COBL: variants seen among roughly 807,000 people sequenced by gnomAD.
The protein encoded by COBL is protein cordon-bleu.
Under a neutral mutation model 98.8 loss-of-function variants are expected in COBL, and 51 were observed. The observed-to-expected ratio is 0.52, with a 90% confidence interval of 0.41 to 0.65. The LOEUF is 0.65. Ranked by LOEUF, COBL falls within the 30% of genes least tolerant of loss-of-function variation. The pLI is 0.00. For synonymous variants in COBL, 634 were observed against 651.7 expected (o/e 0.97, Z 0.41); for missense variants, 1,617 against 1,617.5 (o/e 1.00, Z 0.01).
chr7:51,160,538 G>C (rs1277319976), intron 5 of COBL, among the ~76,000 whole-genome samples: 2 of 152,234 alleles, frequency 1.3e-5, no homozygotes, highest in Non-Finnish European at 2.9e-5. Context: ...ATGAGCAACA[G>C]GGCCGAGCCA....
chr7:51,061,950 T>TACACACACAC (rs3047134), intron 7 of COBL, among the ~76,000 whole-genome samples: 15 of 145,536 alleles, frequency 1.0e-4, no homozygotes, highest in African/African-American at 3.8e-4. Flanking sequence ...CCACCATAGA[T>TACACACACAC]ACACACACAC....
chr7:51,111,293 T>G (rs1000957671), intron 6 of COBL, among the ~76,000 whole-genome samples: 1 of 151,880 alleles, frequency 6.6e-6, no homozygotes, highest in Middle Eastern at 3.2e-3. Flanking sequence ...CCACCAAGAG[T>G]GCATAAGCAT....
At chr7:51,259,179 C>T (rs1266351918) in intron 1 of COBL, among the ~76,000 whole-genome samples, 3 of 150,752 alleles carry the variant, frequency 2.0e-5, no homozygotes, top group East Asian at 2.0e-4. Context: ...CCCAGCTACT[C>T]GGGAGGCTGA....
At chr7:51,315,067 A>G (rs1280264676) in intron 1 of COBL, among the ~76,000 whole-genome samples, 1 of 152,198 alleles carries the variant, frequency 6.6e-6, no homozygotes, top group Non-Finnish European at 1.5e-5. Context: ...GATAGTGACA[A>G]AATAATTCAG....
chr7:51,085,247 G>T lies in COBL; in HGVS notation c.1015C>A (p.Pro339Thr). 6.2e-7 allele frequency: 1 copy of T among 1,613,438 alleles called. No homozygotes were observed. The highest frequency in any genetic ancestry group is 8.5e-7 in the Non-Finnish European group (1 of 1,179,918). Residue 339 changes from proline to threonine, a missense_variant, in exon 7 of 13, where the codon CCT (proline) becomes ACT (threonine). Coordinates refer to ENST00000265136, the MANE Select transcript of COBL (RefSeq NM_015198.5). ...QKKKRRAPAP[P>T]PPQPPPPSPL... is the part of the protein sequence containing the mutation. ...CTCGGTGGTGGTGGCTGTGGTGGAG[G>T]GGGAGCTGGCGCTCGCCGCTTCTTC...
intron 5 of COBL, among the ~76,000 whole-genome samples, chr7:51,138,672 GCACA>G (rs956401711): frequency 1.3e-5 from 2 of 152,176 alleles, no homozygotes; most frequent in African/African-American, 4.8e-5. Context: ...ACGCACATGT[GCACA>G]CACTCACAAA....
At chr7:51,261,905 G>A (rs986438827) in intron 1 of COBL, among the ~76,000 whole-genome samples, 3 of 152,046 alleles carry the variant, frequency 2.0e-5, no homozygotes, top group South Asian at 2.1e-4. Flanking sequence ...CCAAGATCAC[G>A]CCATTGCACT....
At chr7:51,177,337 G>C (rs1028717644) in intron 5 of COBL, among the ~76,000 whole-genome samples, 1 of 152,090 alleles carries the variant, frequency 6.6e-6, no homozygotes, top group African/African-American at 2.4e-5. Flanking sequence ...AATTAAAATT[G>C]CTTACTTCTT....
chr7:51,130,392 T>G (rs1798629761), intron 6 of COBL, among the ~76,000 whole-genome samples: 1 of 152,212 alleles, frequency 6.6e-6, no homozygotes, highest in African/African-American at 2.4e-5. Flanking sequence ...CAGTAACCAA[T>G]TCACCACCAC....
chr7:51,048,375 T>C (rs1218041632), intron 7 of COBL, among the ~76,000 whole-genome samples: 1 of 152,202 alleles, frequency 6.6e-6, no homozygotes, highest in African/African-American at 2.4e-5. Flanking sequence ...ATTGTATTAC[T>C]GTTTAATATG....
chr7:51,282,555 C>A (rs911537445), intron 1 of COBL, among the ~76,000 whole-genome samples: 1 of 152,022 alleles, frequency 6.6e-6, no homozygotes, highest in Admixed American at 6.5e-5. Flanking sequence ...GACAATGAAG[C>A]TTTGAAATAG....
chr7:51,161,656 ACT>A (rs1380802408), intron 5 of COBL, among the ~76,000 whole-genome samples: 1 of 152,116 alleles, frequency 6.6e-6, no homozygotes, highest in African/African-American at 2.4e-5. Flanking sequence ...GTGATTTTTA[ACT>A]CTTTTACCAG....
intron 1 of COBL, among the ~76,000 whole-genome samples, chr7:51,233,490 C>T (rs771746681): frequency 6.6e-5 from 10 of 152,222 alleles, no homozygotes; most frequent in Non-Finnish European, 8.8e-5. Context: ...AGAACCAAAC[C>T]GAGTGGAAAT....
intron 7 of COBL, among the ~76,000 whole-genome samples, chr7:51,080,653 T>C (rs1793560792): frequency 6.6e-6 from 1 of 152,154 alleles, no homozygotes; most frequent in Non-Finnish European, 1.5e-5. Flanking sequence ...AAACACAGCG[T>C]TTGTTATGTG....
At chr7:51,241,434 G>C (rs1034991363) in intron 1 of COBL, among the ~76,000 whole-genome samples, 12 of 152,228 alleles carry the variant, frequency 7.9e-5, no homozygotes, top group African/African-American at 2.7e-4. Flanking sequence ...GTGCTGGGCA[G>C]AGCTGGTCCC....
At chr7:51,039,393 G>A (rs1788952848) in intron 8 of COBL, among the ~76,000 whole-genome samples, 1 of 152,212 alleles carries the variant, frequency 6.6e-6, no homozygotes, top group South Asian at 2.1e-4. Flanking sequence ...GGTCCTCACT[G>A]TAGGGATCGT....
intron 1 of COBL, among the ~76,000 whole-genome samples, chr7:51,243,248 G>GGCAGCTGTGTGCGGGGAGCAGA: frequency 6.6e-6 from 1 of 152,212 alleles, no homozygotes; most frequent in Non-Finnish European, 1.5e-5. Context: ...CTGATGTGAA[G>GGCAGCTGTGTGCGGGGAGCAGA]GCAGCTGTGT....
intron 7 of COBL, among the ~76,000 whole-genome samples, chr7:51,063,292 G>A (rs1427181001): frequency 6.6e-6 from 1 of 152,024 alleles, no homozygotes; most frequent in African/African-American, 2.4e-5. Context: ...CCACCACCGC[G>A]CCCGGCTAAT....
At chr7:51,137,629 A>G (rs936559011) in intron 5 of COBL, among the ~76,000 whole-genome samples, 1 of 152,114 alleles carries the variant, frequency 6.6e-6, no homozygotes, top group East Asian at 1.9e-4. Flanking sequence ...TAAGTACCCA[A>G]TATGTGTTAG....
Sources: gnomAD v4.1 joint callset for allele counts (sites outside exome capture counted in the v4.1 genomes callset) on GRCh38, gnomAD v4.1.1 for gene constraint, MANE v1.5 for transcripts, NCBI Gene and HGNC (gene_info 2026-07-23, HGNC 2026-07-21) for gene names.